Variants in GRIP1 observed in about 807,000 individuals in gnomAD.
The protein encoded by GRIP1 is glutamate receptor-interacting protein 1.
Under a neutral mutation model 129.9 loss-of-function variants are expected in GRIP1, and 45 were observed. That is an observed-to-expected ratio of 0.35 (90% CI 0.27 to 0.44). GRIP1 has a LOEUF of 0.44. Among genes scored for constraint, GRIP1 ranks in the 20% least tolerant of loss-of-function variants. The probability of loss-of-function intolerance (pLI) is 1.00; values close to 1 mark genes in which losing one functional copy is unlikely to be tolerated. For synonymous variants in GRIP1, 530 were observed against 520.8 expected (o/e 1.02, Z -0.24); for missense variants, 1,196 against 1,396.8 (o/e 0.86, Z 2.29).
rs572893719 is a variant in GRIP1 at position 66,675,746 on chromosome 12, G to A, written c.55+3104C>T. On this transcript the variant is annotated intron_variant, in intron 1 of 24. Transcript: ENST00000359742. ...TCTCATTCTGGAGGAAGAAAAGAAC[G>A]GCATTGCTTCTTTAGATTTCAATAT... Among the ~76,000 whole-genome samples, 9 of 152,256 alleles carry A rather than the reference G, an allele frequency of 5.9e-5. No homozygotes were observed. The South Asian group carries it at 1.7e-3, about 28-fold the overall frequency.
chr12:66,554,606 A>C (rs1360385950), intron 2 of GRIP1, among the ~76,000 whole-genome samples: 1 of 152,152 alleles, frequency 6.6e-6, no homozygotes, highest in Non-Finnish European at 1.5e-5. Flanking sequence ...TTCCCATTCC[A>C]GGCCTTGGCT....
At chr12:66,691,556 T>C (rs2034982631) in intron 1 of GRIP1, among the ~76,000 whole-genome samples, 1 of 152,162 alleles carries the variant, frequency 6.6e-6, no homozygotes, top group East Asian at 1.9e-4. Flanking sequence ...GTTGCCTACG[T>C]TATCAAGCCT....
Position 66,455,533 on chromosome 12 carries a change from G to A in GRIP1, c.1230C>T (p.Thr410=). ...AACTCAGGCTGTATGCACTCATGGA[G>A]GTAGGAGAGAAGGATGAAGACACCA... ...PALVSSSFSP[T]SMSAYSLSSL... Residue 410 remains threonine (T), a synonymous_variant, in exon 11 of 25, where the codon ACC becomes ACT. Coordinates refer to ENST00000359742, the MANE Select transcript of GRIP1 (RefSeq NM_001366722.1). The A allele has an allele frequency of 1.2e-6, 2 of 1,614,042 alleles. No individual in the cohort carries two copies. Among genetic ancestry groups the A allele is most frequent in the Non-Finnish European group, 8.5e-7 (1 of 1,179,872 alleles).
chr12:66,982,142 T>C (rs1566105313), intron 1 of GRIP1, among the ~76,000 whole-genome samples: 1 of 152,202 alleles, frequency 6.6e-6, no homozygotes. Flanking sequence ...AATTAACTCA[T>C]TTAATAGGTA....
chr12:66,362,831 G>A (rs780896081), intron 23 of GRIP1, among the ~76,000 whole-genome samples: 11 of 151,814 alleles, frequency 7.2e-5, no homozygotes, highest in Non-Finnish European at 1.2e-4. Flanking sequence ...TGCCGCAGAG[G>A]CGTCTGAGTC....
At chr12:66,943,406 A>G (rs1296823977) in intron 1 of GRIP1, among the ~76,000 whole-genome samples, 2 of 152,258 alleles carry the variant, frequency 1.3e-5, no homozygotes, top group African/African-American at 2.4e-5. Context: ...TGATGTGAGC[A>G]ACTACAGTGT....
chr12:66,472,687 G>A (rs982228621), intron 7 of GRIP1, among the ~76,000 whole-genome samples: 1 of 152,192 alleles, frequency 6.6e-6, no homozygotes, highest in African/African-American at 2.4e-5. Flanking sequence ...AGCCGAAGCA[G>A]GGTGGGGCGT....
chr12:67,032,034 G>A lies in GRIP1; in HGVS notation c.58+37016C>T, dbSNP rs374707292. Reference sequence around the variant, plus strand: ...GGACTGCTGTCCTGTCCATGGTTAGGGATACACTTCAGACAGGATGCTCTC... The same window carrying A: ...GGACTGCTGTCCTGTCCATGGTTAGAGATACACTTCAGACAGGATGCTCTC... On this transcript the variant is annotated intron_variant, in intron 1 of 1. Coordinates refer to the GRIP1 transcript ENST00000643019. Among the ~76,000 whole-genome samples, 83 of 152,102 alleles carry A rather than the reference G, an allele frequency of 5.5e-4. 1 individual carries two copies. In the South Asian group the frequency reaches 0.017, roughly 32 times the overall value.
At chr12:66,455,946 A>G (rs2058947521) in intron 10 of GRIP1, among the ~76,000 whole-genome samples, 2 of 152,226 alleles carry the variant, frequency 1.3e-5, no homozygotes, top group Non-Finnish European at 2.9e-5. Flanking sequence ...TTGTCTCTGT[A>G]TAATATTCTG....
chr12:66,955,754 G>T (rs894934704), intron 1 of GRIP1, among the ~76,000 whole-genome samples: 1 of 151,936 alleles, frequency 6.6e-6, no homozygotes, highest in Non-Finnish European at 1.5e-5. Context: ...TGATCCACCC[G>T]CCTCGGCCTC....
At chr12:66,895,119 G>A (rs989799683) in intron 1 of GRIP1, among the ~76,000 whole-genome samples, 1 of 152,130 alleles carries the variant, frequency 6.6e-6, no homozygotes, top group Non-Finnish European at 1.5e-5. Flanking sequence ...ACCCATTCTT[G>A]GGATAGGTCT....
At chr12:66,462,816 A>T (rs921124210) in intron 9 of GRIP1, 108 bp downstream of exon 9, 3 of 661,528 alleles carry the variant, frequency 4.5e-6, no homozygotes, top group Non-Finnish European at 7.5e-6. Context: ...AAAAAAAAAA[A>T]AAAAAAAGGC....
chr12:66,788,436 T>C (rs1451854601), intron 1 of GRIP1, among the ~76,000 whole-genome samples: 1 of 151,966 alleles, frequency 6.6e-6, no homozygotes, highest in Non-Finnish European at 1.5e-5. Flanking sequence ...AGTATCCTCC[T>C]AGTGTTGAAT....
chr12:66,450,547 T>A (rs2058762851), intron 11 of GRIP1, among the ~76,000 whole-genome samples: 1 of 151,018 alleles, frequency 6.6e-6, no homozygotes, highest in Non-Finnish European at 1.5e-5. Context: ...GTTGAGATGA[T>A]AAAAATTATT....
intron 1 of GRIP1, among the ~76,000 whole-genome samples, chr12:66,652,879 T>G (rs559179814): frequency 6.6e-6 from 1 of 152,352 alleles, no homozygotes; most frequent in African/African-American, 2.4e-5. Flanking sequence ...GAGAGCCAGA[T>G]GAGGGTTATG....
At chr12:66,706,024 G>A (rs2035515671) in intron 1 of GRIP1, among the ~76,000 whole-genome samples, 1 of 152,092 alleles carries the variant, frequency 6.6e-6, no homozygotes, top group Non-Finnish European at 1.5e-5. Flanking sequence ...AACACCAAAA[G>A]CAACTGCAAC....
chr12:67,056,067 T>A (rs982095327), intron 1 of GRIP1, among the ~76,000 whole-genome samples: 1 of 152,004 alleles, frequency 6.6e-6, no homozygotes, highest in African/African-American at 2.4e-5. Context: ...TAACAGACAA[T>A]GAGTTCTTGA....
At chr12:67,002,326 T>C (rs1385624752) in intron 1 of GRIP1, among the ~76,000 whole-genome samples, 1 of 152,224 alleles carries the variant, frequency 6.6e-6, no homozygotes, top group Non-Finnish European at 1.5e-5. Flanking sequence ...AATCTTCATG[T>C]TGAAATTCAC....
At chr12:67,028,500 A>G (rs2042971952) in intron 1 of GRIP1, among the ~76,000 whole-genome samples, 1 of 152,228 alleles carries the variant, frequency 6.6e-6, no homozygotes, top group South Asian at 2.1e-4. Context: ...AGATTGCTGG[A>G]AAAGGAAACA....
Sources: allele counts gnomAD v4.1 joint callset (sites outside exome capture counted in the v4.1 genomes callset), GRCh38; gene constraint gnomAD v4.1.1; transcripts MANE v1.5; gene names NCBI Gene and HGNC (gene_info 2026-07-23, HGNC 2026-07-21).